EPHA3: variants seen among roughly 807,000 people sequenced by gnomAD.
EPHA3 encodes the protein EPH receptor A3.
In EPHA3, 42 loss-of-function variants were observed where a neutral mutation model predicts 107.1. The observed-to-expected ratio is 0.39, with a 90% CI of 0.31 to 0.51. EPHA3 has a LOEUF of 0.51. EPHA3 is among the 20% of genes least tolerant of loss of function. The probability of loss-of-function intolerance (pLI) is 0.78; values close to 1 mark genes in which losing one functional copy is unlikely to be tolerated. For missense variants in EPHA3, 1,183 were observed against 1,211.2 expected (o/e 0.98, Z 0.35); for synonymous variants, 461 against 424.8 (o/e 1.09, Z -1.05).
chr3:89,363,358 G>C (rs1708132675), intron 5 of EPHA3, among the ~76,000 whole-genome samples: 1 of 150,766 alleles, frequency 6.6e-6, no homozygotes, highest in Non-Finnish European at 1.5e-5. Flanking sequence ...CAAATCCACA[G>C]ACTGCAGGGT....
At chr3:89,391,076 G>A (rs1708718626) in intron 5 of EPHA3, among the ~76,000 whole-genome samples, 1 of 152,082 alleles carries the variant, frequency 6.6e-6, no homozygotes, top group South Asian at 2.1e-4. Context: ...ACGAGCCACT[G>A]CACCTGGCCT....
chr3:89,481,117 T>C lies in EPHA3; in HGVS notation c.*1615T>C. On this transcript the variant is annotated 3_prime_UTR_variant, in exon 17 of 17. Coordinates refer to ENST00000336596, the MANE Select transcript of EPHA3 (RefSeq NM_005233.6). The stretch of plus-strand genomic sequence containing the variant: ...ATCTTGAGTATAAGAAATGCATATG[T>C]CACTAGAATGGATAAAATAATGCTG... 4.3e-6 allele frequency: 1 copy of C among 232,142 alleles called. No individual in the cohort carries two copies. Among genetic ancestry groups the C allele is most frequent in the Non-Finnish European group, 8.5e-6 (1 of 117,378 alleles). The allele number at this position is 232,142 out of a possible 1,614,324, so 14.4% of individuals were successfully genotyped here.
chr3:89,155,832 G>T (rs1193313726), intron 2 of EPHA3, among the ~76,000 whole-genome samples: 1 of 151,876 alleles, frequency 6.6e-6, no homozygotes, highest in African/African-American at 2.4e-5. Flanking sequence ...TGAAAACATT[G>T]AACAGATTCA....
intron 3 of EPHA3, among the ~76,000 whole-genome samples, chr3:89,245,477 A>C (rs1705009188): frequency 1.3e-5 from 2 of 152,214 alleles, no homozygotes. Context: ...AATATTATAA[A>C]CATGAAAAAC....
intron 3 of EPHA3, among the ~76,000 whole-genome samples, chr3:89,246,694 T>C (rs1385406830): frequency 6.6e-6 from 1 of 152,218 alleles, no homozygotes; most frequent in Non-Finnish European, 1.5e-5. Context: ...TTTCAATAAC[T>C]TTTCTTTGAT....
intron 3 of EPHA3, among the ~76,000 whole-genome samples, chr3:89,219,682 G>C (rs1704304355): frequency 8.7e-6 from 1 of 115,374 alleles, no homozygotes; most frequent in Non-Finnish European, 1.8e-5. Flanking sequence ...AGAGGCATTT[G>C]GCAATGTTTT....
intron 1 of EPHA3, among the ~76,000 whole-genome samples, chr3:89,120,061 A>G (rs1707342535): frequency 6.6e-6 from 1 of 152,150 alleles, no homozygotes; most frequent in African/African-American, 2.4e-5. Flanking sequence ...TGATTTTTTA[A>G]ATACCAAGAT....
At chr3:89,197,059 A>T (rs1576221970) in intron 2 of EPHA3, among the ~76,000 whole-genome samples, 1 of 152,174 alleles carries the variant, frequency 6.6e-6, no homozygotes, top group Non-Finnish European at 1.5e-5. Flanking sequence ...GATTCAGATC[A>T]TGTCACTCCT....
intron 3 of EPHA3, among the ~76,000 whole-genome samples, chr3:89,301,519 A>G (rs1021794291): frequency 6.6e-6 from 1 of 152,098 alleles, no homozygotes; most frequent in African/African-American, 2.4e-5. Context: ...ACTGAATCAC[A>G]TGACCCCTCA....
intron 7 of EPHA3, among the ~76,000 whole-genome samples, 182 bp from the exon 8 acceptor site, chr3:89,407,087 G>T (rs142082314): frequency 0.02 from 3,003 of 152,096 alleles, 48 homozygotes; most frequent in Non-Finnish European, 0.033. Flanking sequence ...CAAAATTATG[G>T]GAAATGTCTA....
intron 5 of EPHA3, among the ~76,000 whole-genome samples, chr3:89,391,725 G>A (rs867707465): frequency 5.3e-5 from 8 of 151,742 alleles, no homozygotes; most frequent in Admixed American, 6.6e-5. Flanking sequence ...GAGCCACCGC[G>A]CCCGGCCTAT....
intron 2 of EPHA3, among the ~76,000 whole-genome samples, chr3:89,195,530 T>A (rs892047806): frequency 6.6e-6 from 1 of 152,194 alleles, no homozygotes; most frequent in African/African-American, 2.4e-5. Flanking sequence ...GATTATCCAA[T>A]GTTAGCTTAA....
chr3:89,286,253 A>C (rs1433336548), intron 3 of EPHA3, among the ~76,000 whole-genome samples: 1 of 151,412 alleles, frequency 6.6e-6, no homozygotes, highest in Non-Finnish European at 1.5e-5. Context: ...AGAGAGGAGT[A>C]GAGCGTGGGA....
At chr3:89,438,534 A>C (rs1249488484) in intron 13 of EPHA3, among the ~76,000 whole-genome samples, 1 of 152,188 alleles carries the variant, frequency 6.6e-6, no homozygotes, top group African/African-American at 2.4e-5. Context: ...AACAGAAAAC[A>C]GGAGCCTTTG....
intron 13 of EPHA3, among the ~76,000 whole-genome samples, chr3:89,434,225 T>G (rs1015226051): frequency 6.6e-6 from 1 of 152,152 alleles, no homozygotes; most frequent in African/African-American, 2.4e-5. Flanking sequence ...TTTATTTATT[T>G]ATTAATTTTT....
Position 89,481,393 on chromosome 3 carries a change from T to G in EPHA3, c.*1891T>G, listed in dbSNP as rs1710618786. Reference sequence around the variant, plus strand: ...TTGTGATTATAAAATTAATCACAAATTTCACTTATACCTGCTATCAGCAGC... The same window carrying G: ...TTGTGATTATAAAATTAATCACAAAGTTCACTTATACCTGCTATCAGCAGC... On this transcript the variant is annotated 3_prime_UTR_variant, in exon 17 of 17. Transcript: ENST00000336596. 1.3e-5 allele frequency: 3 copies of G among 232,188 alleles called. No homozygotes were observed. Among genetic ancestry groups the G allele is most frequent in the Non-Finnish European group, 2.6e-5 (3 of 117,506 alleles). The allele number at this position is 232,188 out of a possible 1,614,324, so 14.4% of individuals were successfully genotyped here.
chr3:89,181,938 A>G (rs1452111336), intron 2 of EPHA3, among the ~76,000 whole-genome samples: 3 of 151,880 alleles, frequency 2.0e-5, no homozygotes, highest in African/African-American at 7.2e-5. Flanking sequence ...GGTTGATGAA[A>G]TATTTCATGT....
intron 3 of EPHA3, among the ~76,000 whole-genome samples, chr3:89,292,247 A>G (rs1706224020): frequency 6.6e-6 from 1 of 152,212 alleles, no homozygotes; most frequent in African/African-American, 2.4e-5. Flanking sequence ...AAAGAACAAC[A>G]GTAATAATAC....
chr3:89,298,294 C>T (rs1706409556), intron 3 of EPHA3, among the ~76,000 whole-genome samples: 1 of 152,062 alleles, frequency 6.6e-6, no homozygotes. Flanking sequence ...TTTCTTCTCC[C>T]TGGTGTTCTC....
Sources: gnomAD v4.1 joint callset for allele counts (sites outside exome capture counted in the v4.1 genomes callset) on GRCh38, gnomAD v4.1.1 for gene constraint, MANE v1.5 for transcripts, NCBI Gene and HGNC (gene_info 2026-07-23, HGNC 2026-07-21) for gene names.